The following GPM6A variants were observed in gnomAD, a reference collection of about 807,000 sequenced individuals.
GPM6A encodes glycoprotein M6A, also known as neuronal membrane glycoprotein M6-a.
GPM6A carries 7 observed loss-of-function variants against 32.1 expected under a neutral mutation model. The ratio of observed to expected loss-of-function variants is 0.22; its 90% CI spans 0.12 to 0.41. GPM6A has a LOEUF of 0.41. Among genes scored for constraint, GPM6A ranks in the 10% least tolerant of loss-of-function variants. The probability of loss-of-function intolerance (pLI) is 1.00; values close to 1 mark genes in which losing one functional copy is unlikely to be tolerated. For synonymous variants in GPM6A, 130 were observed against 123.4 expected (o/e 1.05, Z -0.35); for missense variants, 235 against 347.2 (o/e 0.68, Z 2.57).
At chr4:175,993,438 GTCCTTCTTGCCTTAATGTTCTAGA>G (rs1345844683) in intron 1 of GPM6A, among the ~76,000 whole-genome samples, 1 of 151,478 alleles carries the variant, frequency 6.6e-6, no homozygotes, top group Non-Finnish European at 1.5e-5. Flanking sequence ...CAGCTGAAAA[GTCCTTCTTGCCTTAATGTTCTAGA>G]TCCTTCTTGC....
chr4:175,717,799 A>G (rs1171180233), intron 1 of GPM6A, among the ~76,000 whole-genome samples: 1 of 152,240 alleles, frequency 6.6e-6, no homozygotes, highest in East Asian at 1.9e-4. Context: ...AGAATGTATT[A>G]TAATTTTTCT....
intron 2 of GPM6A, among the ~76,000 whole-genome samples, chr4:175,675,946 T>C (rs192824868): frequency 8.4e-4 from 128 of 152,208 alleles, no homozygotes; most frequent in African/African-American, 2.9e-3. Context: ...TCATCTTGAA[T>C]TGTAGTTCCC....
At chr4:175,696,368 T>C (rs949506759) in intron 2 of GPM6A, among the ~76,000 whole-genome samples, 6 of 152,218 alleles carry the variant, frequency 3.9e-5, no homozygotes, top group Non-Finnish European at 1.5e-5. Context: ...CAAAATCTTA[T>C]TCACCACACT....
rs200497076 is a variant in GPM6A at position 175,991,568 on chromosome 4, GA to G, written c.-23+10740del. 2.2e-3 allele frequency among the ~76,000 whole-genome samples: 342 copies of G among 152,202 alleles called. 1 individual carries two copies. Among genetic ancestry groups the G allele is most frequent in the African/African-American group, 7.6e-3 (317 of 41,542 alleles). ...GTTCATTATTTGCACTTCAAATCTA[GA>G]TGGAAATACATAGTTGACTTACGTT... On this transcript the variant is annotated intron_variant, in intron 1 of 7. Transcript: ENST00000280187.
At position 175,760,772 on chromosome 4, in the gene GPM6A, C is replaced by T. The variant is rs141854717; in HGVS notation, c.37+51419G>A. On this transcript the variant is annotated intron_variant, in intron 1 of 6. Coordinates refer to ENST00000393658, the MANE Select transcript of GPM6A (RefSeq NM_201591.3). ...AGAGAGAAATAGATACAGAGATATA[C>T]ACCGAGATCTTCCTGCTTAAGGATA... Among the ~76,000 whole-genome samples the T allele has an allele frequency of 1.1e-3, 162 of 151,986 alleles. 1 individual carries two copies. The highest frequency in any genetic ancestry group is 3.9e-3 in the African/African-American group (160 of 41,480).
At chr4:175,975,103 C>T (rs1225619973) in intron 1 of GPM6A, among the ~76,000 whole-genome samples, 3 of 152,242 alleles carry the variant, frequency 2.0e-5, no homozygotes, top group Non-Finnish European at 4.4e-5. Flanking sequence ...CCTGCATTCT[C>T]TGCTCATCTG....
At chr4:175,977,744 T>C (rs74999079) in intron 1 of GPM6A, among the ~76,000 whole-genome samples, 5,408 of 152,290 alleles carry the variant, frequency 0.036, 206 homozygotes, top group African/African-American at 0.1. Context: ...TGTATAAAAC[T>C]ATATTCAATG....
At chr4:175,697,142 T>G (rs971744467) in intron 2 of GPM6A, among the ~76,000 whole-genome samples, 2 of 152,168 alleles carry the variant, frequency 1.3e-5, no homozygotes, top group Admixed American at 6.5e-5. Flanking sequence ...CAGGAGGGCA[T>G]GCTTATGAGT....
chr4:175,994,055 A>C (rs1481204029), intron 1 of GPM6A, among the ~76,000 whole-genome samples: 3 of 152,220 alleles, frequency 2.0e-5, no homozygotes, highest in Non-Finnish European at 4.4e-5. Context: ...GAACCTATTG[A>C]GGCTGAAGGA....
At chr4:175,945,370 A>G (rs1739556944) in intron 1 of GPM6A, among the ~76,000 whole-genome samples, 1 of 152,132 alleles carries the variant, frequency 6.6e-6, no homozygotes, top group African/African-American at 2.4e-5. Context: ...GAGTTTCTCT[A>G]TAAAGAATTG....
intron 1 of GPM6A, among the ~76,000 whole-genome samples, chr4:175,885,661 T>C (rs1166182615): frequency 2.0e-5 from 3 of 152,086 alleles, no homozygotes; most frequent in Non-Finnish European, 4.4e-5. Context: ...AATCTAGTAA[T>C]CCCACTCCTT....
chr4:175,933,574 T>TAGAAG (rs1739122807), intron 1 of GPM6A, among the ~76,000 whole-genome samples: 1 of 1,110 alleles, frequency 9.0e-4, no homozygotes, highest in Admixed American at 0.038. Context: ...TTAGAAGTTT[T>TAGAAG]TGTTTGTTTG....
intron 1 of GPM6A, among the ~76,000 whole-genome samples, chr4:175,969,881 T>C (rs1243523475): frequency 6.6e-6 from 1 of 152,166 alleles, no homozygotes; most frequent in East Asian, 1.9e-4. Context: ...CTAAAATGGC[T>C]CTAAAAATAA....
chr4:175,802,572 C>T (rs1734513599), intron 1 of GPM6A, among the ~76,000 whole-genome samples: 1 of 152,018 alleles, frequency 6.6e-6, no homozygotes, highest in South Asian at 2.1e-4. Flanking sequence ...AAATTCATTA[C>T]CTTGAACATT....
At chr4:175,897,493 GC>G in intron 1 of GPM6A, among the ~76,000 whole-genome samples, 1 of 152,134 alleles carries the variant, frequency 6.6e-6, no homozygotes. Context: ...CTTCCTTCAT[GC>G]AGTCCAGAGA....
intron 1 of GPM6A, 99 bp downstream of exon 1, chr4:175,812,092 G>T: frequency 1.1e-6 from 1 of 884,956 alleles, no homozygotes; most frequent in Non-Finnish European, 1.8e-6. Flanking sequence ...TGCCTTCCAA[G>T]AGAGAAACAT....
chr4:175,800,162 G>A (rs1036992551), intron 1 of GPM6A, among the ~76,000 whole-genome samples: 1 of 152,078 alleles, frequency 6.6e-6, no homozygotes, highest in Non-Finnish European at 1.5e-5. Flanking sequence ...ATAATTTGTG[G>A]TTGAGGGCTT....
At chr4:175,864,747 G>A (rs1319673805) in intron 1 of GPM6A, among the ~76,000 whole-genome samples, 6 of 151,742 alleles carry the variant, frequency 4.0e-5, no homozygotes, top group South Asian at 2.1e-4. Context: ...TTTCTTCTGC[G>A]TTTTCTTCTA....
intron 1 of GPM6A, among the ~76,000 whole-genome samples, chr4:175,795,381 C>T (rs1363030867): frequency 1.3e-5 from 2 of 152,192 alleles, no homozygotes; most frequent in Admixed American, 6.5e-5. Flanking sequence ...TGAGTAAGGG[C>T]TGCACTTTTT....
Sources: gnomAD v4.1 joint callset for allele counts (sites outside exome capture counted in the v4.1 genomes callset) on GRCh38, gnomAD v4.1.1 for gene constraint, MANE v1.5 for transcripts, NCBI Gene and HGNC (gene_info 2026-07-23, HGNC 2026-07-21) for gene names.